Variants in RIT2 observed in about 807,000 individuals in gnomAD.
The protein encoded by RIT2 is GTP-binding protein Rit2.
Under a neutral mutation model 23.7 loss-of-function variants are expected in RIT2, and 24 were observed. That is an observed-to-expected ratio of 1.01 (90% CI 0.73 to 1.43). The LOEUF is 1.43. Among genes scored for constraint, RIT2 ranks in the 40% most tolerant of loss-of-function variants. The pLI, the probability that RIT2 is intolerant of heterozygous loss-of-function variation, is 0.00. For synonymous variants in RIT2, 107 were observed against 91.1 expected (o/e 1.17, Z -0.99); for missense variants, 236 against 266.9 (o/e 0.88, Z 0.81).
Position 42,966,418 on chromosome 18 carries a change from C to G in RIT2, c.234+7656G>C, listed in dbSNP as rs1910225668. On this transcript the variant is annotated intron_variant, in intron 3 of 4. Transcript: ENST00000326695. ...ATCTTGGTAGTCATTTTATGTAGTACTCTTATGACAAGTATATGTATATTT... is the reference window on the plus strand; with the variant it reads ...ATCTTGGTAGTCATTTTATGTAGTAGTCTTATGACAAGTATATGTATATTT... 2.6e-5 allele frequency among the ~76,000 whole-genome samples: 4 copies of G among 152,068 alleles called. No individual in the cohort carries two copies. The South Asian group carries it at 8.3e-4, about 31-fold the overall frequency.
chr18:43,056,624 A>T (rs769247592), intron 1 of RIT2, among the ~76,000 whole-genome samples: 8 of 152,134 alleles, frequency 5.3e-5, no homozygotes, highest in Non-Finnish European at 1.0e-4. Context: ...CACCTTGAAC[A>T]TATTGAAGAA....
chr18:42,871,219 T>C (rs1484314619), intron 4 of RIT2, among the ~76,000 whole-genome samples: 1 of 152,196 alleles, frequency 6.6e-6, no homozygotes, highest in Non-Finnish European at 1.5e-5. Context: ...GCAACACACA[T>C]TTTAACACTT....
chr18:42,751,646 T>A (rs571395093), intron 4 of RIT2, among the ~76,000 whole-genome samples: 1 of 152,106 alleles, frequency 6.6e-6, no homozygotes, highest in Admixed American at 6.5e-5. Flanking sequence ...ATTACTTTGA[T>A]AAGTAATGTA....
At chr18:42,857,158 A>G (rs1164289690) in intron 4 of RIT2, among the ~76,000 whole-genome samples, 1 of 152,124 alleles carries the variant, frequency 6.6e-6, no homozygotes, top group Non-Finnish European at 1.5e-5. Context: ...TAGTTGTGAT[A>G]CTAGCATCTA....
At chr18:43,061,275 A>C (rs2144322775) in intron 1 of RIT2, among the ~76,000 whole-genome samples, 1 of 152,286 alleles carries the variant, frequency 6.6e-6, no homozygotes, top group African/African-American at 2.4e-5. Context: ...AGACTAATAT[A>C]TAATAGTAAT....
chr18:43,023,437 C>T (rs555648991), intron 2 of RIT2, among the ~76,000 whole-genome samples: 1 of 152,150 alleles, frequency 6.6e-6, no homozygotes, highest in South Asian at 2.1e-4. Flanking sequence ...CTTTCCATTT[C>T]ACCATTTTCA....
rs147633763 is a variant in RIT2, at chr18:42,922,102, C to T, written c.426+1470G>A. On this transcript the variant is annotated intron_variant, in intron 4 of 4. Coordinates refer to ENST00000326695, the MANE Select transcript of RIT2 (RefSeq NM_002930.4). ...CAGTTCCTAAAACAATAATTAGCTG[C>T]CATTTTAAGATGCTTAGATTCTCAA... Among the ~76,000 whole-genome samples the T allele has an allele frequency of 6.7e-3, 1,024 of 152,168 alleles. 4 individuals carry two copies. The highest frequency in any genetic ancestry group is 0.012 in the Non-Finnish European group (782 of 67,980).
chr18:43,018,759 T>G (rs1333982236), intron 2 of RIT2, among the ~76,000 whole-genome samples: 1 of 151,940 alleles, frequency 6.6e-6, no homozygotes, highest in Admixed American at 6.6e-5. Flanking sequence ...TAGCAAAAAC[T>G]GAAGAAATTT....
At chr18:42,879,225 A>G (rs940753065) in intron 4 of RIT2, among the ~76,000 whole-genome samples, 1 of 152,114 alleles carries the variant, frequency 6.6e-6, no homozygotes, top group Non-Finnish European at 1.5e-5. Flanking sequence ...CTTTATTTTG[A>G]GCCAAATCAC....
intron 4 of RIT2, among the ~76,000 whole-genome samples, chr18:42,857,354 T>G (rs1165930939): frequency 6.6e-6 from 1 of 152,234 alleles, no homozygotes; most frequent in African/African-American, 2.4e-5. Flanking sequence ...TATGTGATTC[T>G]TTTCAGCTCA....
At chr18:42,827,178 G>A (rs1906319867) in intron 4 of RIT2, among the ~76,000 whole-genome samples, 1 of 152,136 alleles carries the variant, frequency 6.6e-6, no homozygotes, top group African/African-American at 2.4e-5. Context: ...AGAATACAGG[G>A]TTTAGATGCT....
At chr18:42,897,040 A>G (rs1908349304) in intron 4 of RIT2, among the ~76,000 whole-genome samples, 1 of 152,184 alleles carries the variant, frequency 6.6e-6, no homozygotes, top group Non-Finnish European at 1.5e-5. Context: ...TACCTATCAT[A>G]ATCCTTTATC....
chr18:43,001,254 G>C (rs1019311061), intron 2 of RIT2, among the ~76,000 whole-genome samples: 6 of 151,916 alleles, frequency 3.9e-5, no homozygotes, highest in Non-Finnish European at 7.4e-5. Context: ...AGAGGGGAGG[G>C]CCACACAGTG....
chr18:43,055,064 T>C (rs1367804369), intron 1 of RIT2, among the ~76,000 whole-genome samples: 3 of 152,108 alleles, frequency 2.0e-5, no homozygotes, highest in African/African-American at 7.2e-5. Flanking sequence ...TACACTGTTA[T>C]TTAAAAAGCT....
chr18:42,805,107 A>G (rs1320556875), intron 4 of RIT2, among the ~76,000 whole-genome samples: 2 of 152,236 alleles, frequency 1.3e-5, no homozygotes, highest in Non-Finnish European at 2.9e-5. Context: ...AGTTACATCT[A>G]TTGACTTTTA....
chr18:43,030,828 G>A (rs1228858526), intron 2 of RIT2, among the ~76,000 whole-genome samples: 1 of 152,046 alleles, frequency 6.6e-6, no homozygotes, highest in East Asian at 1.9e-4. Flanking sequence ...CCACGAGAAG[G>A]AATCCTGGAA....
chr18:42,788,415 CAA>C (rs972857549), intron 4 of RIT2, among the ~76,000 whole-genome samples: 1 of 152,094 alleles, frequency 6.6e-6, no homozygotes, highest in African/African-American at 2.4e-5. Context: ...AATCCAGAAC[CAA>C]GTTAATAAAT....
chr18:42,940,385 T>C (rs1040636495), intron 3 of RIT2, among the ~76,000 whole-genome samples: 1 of 148,880 alleles, frequency 6.7e-6, no homozygotes, highest in African/African-American at 2.5e-5. Flanking sequence ...TATAGTTAAA[T>C]ATATATAATT....
chr18:42,955,213 C>T (rs1438503924), intron 3 of RIT2, among the ~76,000 whole-genome samples: 2 of 152,296 alleles, frequency 1.3e-5, no homozygotes, highest in East Asian at 3.9e-4. Context: ...TTCAATAATA[C>T]TACTGTCATT....
Sources: allele counts gnomAD v4.1 joint callset (sites outside exome capture counted in the v4.1 genomes callset), GRCh38; gene constraint gnomAD v4.1.1; transcripts MANE v1.5; gene names NCBI Gene and HGNC (gene_info 2026-07-23, HGNC 2026-07-21).